Variants in PCCA observed in about 807,000 individuals in gnomAD.
The protein encoded by PCCA is propionyl-CoA carboxylase alpha chain, mitochondrial.
In PCCA, 74 loss-of-function variants were observed where a neutral mutation model predicts 101.3. The observed-to-expected ratio is 0.73, with a 90% confidence interval of 0.61 to 0.89. PCCA has a LOEUF of 0.89. Among genes scored for constraint, PCCA ranks in the 40% least tolerant of loss-of-function variants. PCCA has a pLI of 0.00. For missense variants in PCCA, 891 were observed against 907.0 expected, an observed-to-expected ratio of 0.98 and a Z score of 0.23; for synonymous variants, 294 against 313.6, an observed-to-expected ratio of 0.94 and a Z score of 0.66.
At chr13:100,451,199 C>T (rs1262763185) in intron 21 of PCCA, among the ~76,000 whole-genome samples, 1 of 151,516 alleles carries the variant, frequency 6.6e-6, no homozygotes, top group Non-Finnish European at 1.5e-5. Context: ...TCTAAGTCTA[C>T]TGATTTCAGT....
intron 12 of PCCA, among the ~76,000 whole-genome samples, chr13:100,275,173 T>C (rs2152600421): frequency 6.6e-6 from 1 of 152,250 alleles, no homozygotes; most frequent in South Asian, 2.1e-4. Context: ...GCATGCCTGC[T>C]TCATCCTGAG....
At chr13:100,497,467 T>A (rs2085355764) in intron 21 of PCCA, among the ~76,000 whole-genome samples, 2 of 152,068 alleles carry the variant, frequency 1.3e-5, no homozygotes, top group Non-Finnish European at 2.9e-5. Context: ...TTTAATTTTT[T>A]TTTTTTTTTT....
intron 6 of PCCA, among the ~76,000 whole-genome samples, chr13:100,172,200 C>CA (rs778270607): frequency 0.017 from 1,810 of 104,230 alleles, 34 homozygotes; most frequent in Admixed American, 0.055. Context: ...AACCCTGTCT[C>CA]AAAAAAAAAA....
At chr13:100,306,227 G>GTT (rs948072109) in intron 14 of PCCA, among the ~76,000 whole-genome samples, 1 of 152,202 alleles carries the variant, frequency 6.6e-6, no homozygotes, top group Admixed American at 6.5e-5. Flanking sequence ...CTTCCCACAG[G>GTT]TGGAAGGCTA....
chr13:100,410,236 GTTGTT>G (rs1258863360), intron 19 of PCCA, among the ~76,000 whole-genome samples: 3 of 151,846 alleles, frequency 2.0e-5, no homozygotes, highest in East Asian at 3.9e-4. Flanking sequence ...TGTTTTTGTT[GTTGTT>G]TTGTTTTGTT....
intron 2 of PCCA, among the ~76,000 whole-genome samples, chr13:100,107,092 T>C (rs2047871929): frequency 6.6e-6 from 1 of 152,244 alleles, no homozygotes; most frequent in African/African-American, 2.4e-5. Flanking sequence ...AGACTTGGTC[T>C]TTGGTGTAAT....
At chr13:100,225,707 G>T (rs2060107088) in intron 7 of PCCA, among the ~76,000 whole-genome samples, 1 of 152,100 alleles carries the variant, frequency 6.6e-6, no homozygotes, top group South Asian at 2.1e-4. Flanking sequence ...AAGCCTCAAA[G>T]GTTTTATATT....
chr13:100,206,725 A>C (rs919668236), intron 6 of PCCA, among the ~76,000 whole-genome samples: 2 of 152,194 alleles, frequency 1.3e-5, no homozygotes, highest in Non-Finnish European at 2.9e-5. Context: ...AAACAGCAGA[A>C]GCACGAAGGT....
At chr13:100,469,382 G>A (rs754423007) in intron 21 of PCCA, among the ~76,000 whole-genome samples, 2 of 152,036 alleles carry the variant, frequency 1.3e-5, no homozygotes, top group African/African-American at 4.8e-5. Flanking sequence ...GATTCCTGGC[G>A]GCAGAAACAT....
intron 12 of PCCA, among the ~76,000 whole-genome samples, chr13:100,280,560 C>G (rs991523679): frequency 1.3e-5 from 2 of 152,104 alleles, no homozygotes; most frequent in African/African-American, 4.8e-5. Flanking sequence ...ATACTTCTCC[C>G]TCATCTCACC....
At chr13:100,380,477 A>G (rs370870237) in intron 19 of PCCA, among the ~76,000 whole-genome samples, 17 of 152,242 alleles carry the variant, frequency 1.1e-4, no homozygotes, top group African/African-American at 3.6e-4. Context: ...TACTTGCAAA[A>G]TGATTGTCAT....
intron 4 of PCCA, among the ~76,000 whole-genome samples, chr13:100,123,149 C>T (rs1286393841): frequency 1.3e-5 from 2 of 152,228 alleles, no homozygotes; most frequent in African/African-American, 2.4e-5. Flanking sequence ...CTCCGCCTCA[C>T]AGGTTCAAGC....
chr13:100,232,113 T>C lies in PCCA; in HGVS notation c.601-3729T>C, dbSNP rs16957245. On this transcript the variant is annotated intron_variant, in intron 7 of 23. Coordinates refer to ENST00000376285, the MANE Select transcript of PCCA (RefSeq NM_000282.4). ...TGTATAGAACCAAGGCATCTTGGACTGTGTACCAAATCCCATAAGATCTGG... is the reference window on the plus strand; with the variant it reads ...TGTATAGAACCAAGGCATCTTGGACCGTGTACCAAATCCCATAAGATCTGG... Among the ~76,000 whole-genome samples the C allele has an allele frequency of 4.4e-3, 676 of 152,326 alleles. 13 individuals carry two copies. The highest frequency in any genetic ancestry group is 0.015 in the African/African-American group (642 of 41,578).
chr13:100,127,409 C>G (rs1435032955), intron 4 of PCCA, among the ~76,000 whole-genome samples: 1 of 151,986 alleles, frequency 6.6e-6, no homozygotes, highest in Non-Finnish European at 1.5e-5. Flanking sequence ...ATTAATATAT[C>G]TTTTTGGTTT....
intron 20 of PCCA, among the ~76,000 whole-genome samples, chr13:100,434,576 A>G (rs1863475066): frequency 6.6e-6 from 1 of 152,066 alleles, no homozygotes; most frequent in South Asian, 2.1e-4. Flanking sequence ...GGAACTTCTC[A>G]CCTGCAGAAC....
At chr13:100,110,153 A>G (rs1594132188) in intron 2 of PCCA, among the ~76,000 whole-genome samples, 1 of 151,888 alleles carries the variant, frequency 6.6e-6, no homozygotes, top group East Asian at 1.9e-4. Flanking sequence ...CAAACAAACA[A>G]ACTGCTCTAG....
At chr13:100,465,324 G>A (rs1488267482) in intron 21 of PCCA, among the ~76,000 whole-genome samples, 3 of 152,170 alleles carry the variant, frequency 2.0e-5, no homozygotes, top group Non-Finnish European at 2.9e-5. Flanking sequence ...GCCAAGCTTA[G>A]GAGCAGTGTT....
rs2062628951 is a variant in PCCA at position 100,262,918 on chromosome 13, TG to T, written c.819+88del. 1.7e-5 allele frequency: 12 copies of T among 710,028 alleles called. No individual in the cohort carries two copies. The South Asian group carries it at 1.8e-4, about 10-fold the overall frequency. The allele number at this position is 710,028 out of a possible 1,614,324, so 44.0% of individuals were successfully genotyped here. On this transcript the variant is annotated intron_variant, in intron 10 of 23. Coordinates refer to ENST00000376285, the MANE Select transcript of PCCA (RefSeq NM_000282.4). ...GAATTATCTTTTCTTCCATTTAGAA[TG>T]ATTGTGAGTTGTGCCTTTAGAATCT...
intron 21 of PCCA, among the ~76,000 whole-genome samples, chr13:100,501,097 G>T (rs2085633878): frequency 6.6e-6 from 1 of 152,076 alleles, no homozygotes; most frequent in Non-Finnish European, 1.5e-5. Context: ...AGCCAAGATC[G>T]CCAAGATCAT....
Sources: allele counts gnomAD v4.1 joint callset (sites outside exome capture counted in the v4.1 genomes callset), GRCh38; gene constraint gnomAD v4.1.1; transcripts MANE v1.5; gene names NCBI Gene and HGNC (gene_info 2026-07-23, HGNC 2026-07-21).